Variants in ADCY2 observed in about 807,000 individuals in gnomAD.
ADCY2 encodes adenylate cyclase type 2.
In ADCY2, 31 loss-of-function variants were observed where a neutral mutation model predicts 125.2. The ratio of observed to expected loss-of-function variants is 0.25; its 90% CI spans 0.19 to 0.33. ADCY2 has a LOEUF of 0.33. Among genes scored for constraint, ADCY2 ranks in the 10% least tolerant of loss-of-function variants. The pLI, the probability that ADCY2 is intolerant of heterozygous loss-of-function variation, is 1.00. For missense variants in ADCY2, 904 were observed against 1,418.2 expected (o/e 0.64, Z 5.82); for synonymous variants, 512 against 548.4 (o/e 0.93, Z 0.93).
chr5:7,748,443 G>A (rs1742698137), intron 15 of ADCY2, among the ~76,000 whole-genome samples: 1 of 151,726 alleles, frequency 6.6e-6, no homozygotes, highest in Admixed American at 6.6e-5. Context: ...GAGGGACCAA[G>A]GACTCCAAAG....
At chr5:7,719,537 A>G (rs1273414365) in intron 12 of ADCY2, among the ~76,000 whole-genome samples, 2 of 152,144 alleles carry the variant, frequency 1.3e-5, no homozygotes, top group Non-Finnish European at 2.9e-5. Context: ...GTTTCCTGCT[A>G]TTGCCATAAA....
At chr5:7,465,420 T>C (rs1742079575) in intron 2 of ADCY2, among the ~76,000 whole-genome samples, 1 of 152,140 alleles carries the variant, frequency 6.6e-6, no homozygotes, top group African/African-American at 2.4e-5. Context: ...TAAGCCACTT[T>C]CTCCAGGCTG....
In ADCY2 at chr5:7,396,483, G is replaced by A; in HGVS notation, c.187G>A (p.Ala63Thr). Reference protein sequence around the residue: ...IVMGSCLALLAVFFALGLEVE... With the variant: ...IVMGSCLALLTVFFALGLEVE... Reference sequence around the variant, plus strand: ...CATGGGCTCCTGCCTCGCCCTGCTCGCCGTCTTCTTCGCGCTCGGGCTGGT... The same window carrying A: ...CATGGGCTCCTGCCTCGCCCTGCTCACCGTCTTCTTCGCGCTCGGGCTGGT... Residue 63 changes from alanine to threonine, a missense_variant, in exon 1 of 25, where the codon GCC (alanine) becomes ACC (threonine). By Grantham distance (58) the Ala-to-Thr change is moderately conservative. Around this residue, in one of 7 missense-constraint regions of ADCY2, gnomAD observed 113 missense variants for 108.0 expected, o/e 1.05. Coordinates refer to ENST00000338316, the MANE Select transcript of ADCY2 (RefSeq NM_020546.3). This position sits in a 1 kb window ranked among gnomAD's most constrained non-coding sequence, Gnocchi z 5.7. 6.4e-7 allele frequency: 1 copy of A among 1,567,326 alleles called. No homozygotes were observed. Among genetic ancestry groups the A allele is most frequent in the South Asian group, 1.1e-5 (1 of 87,452 alleles).
intron 3 of ADCY2, among the ~76,000 whole-genome samples, chr5:7,620,066 GA>G (rs1439771055): frequency 1.3e-5 from 2 of 152,146 alleles, no homozygotes; most frequent in African/African-American, 4.8e-5. Flanking sequence ...GCAGTTCTGA[GA>G]AGAGCAAAGA....
At chr5:7,512,092 A>C (rs1006420992) in intron 2 of ADCY2, among the ~76,000 whole-genome samples, 11 of 151,642 alleles carry the variant, frequency 7.3e-5, no homozygotes, top group African/African-American at 2.4e-4. Flanking sequence ...GTGGTGGTGC[A>C]CACCTGTAAT....
intron 15 of ADCY2, among the ~76,000 whole-genome samples, chr5:7,753,121 ACTCCTGAC>A (rs1287165327): frequency 6.6e-6 from 1 of 151,242 alleles, no homozygotes; most frequent in Non-Finnish European, 1.5e-5. Context: ...ATAGTCTCAA[ACTCCTGAC>A]CTCATGATCT....
intron 2 of ADCY2, among the ~76,000 whole-genome samples, chr5:7,434,194 T>C (rs1019369869): frequency 7.9e-5 from 12 of 152,340 alleles, no homozygotes; most frequent in African/African-American, 2.9e-4. Context: ...CTTACACGCA[T>C]GCATGGGACT....
At chr5:7,710,868 C>T (rs1235307076) in intron 10 of ADCY2, among the ~76,000 whole-genome samples, 2 of 151,996 alleles carry the variant, frequency 1.3e-5, no homozygotes, top group Non-Finnish European at 2.9e-5. Context: ...CAGGGGCTAA[C>T]GTGAAAGTAG....
chr5:7,736,833 TTAG>T (rs905951960), intron 14 of ADCY2, among the ~76,000 whole-genome samples: 1 of 152,160 alleles, frequency 6.6e-6, no homozygotes, highest in Non-Finnish European at 1.5e-5. Context: ...TTATGATTTG[TTAG>T]TAGATTAACA....
intron 7 of ADCY2, among the ~76,000 whole-genome samples, chr5:7,702,963 T>G (rs574897833): frequency 2.0e-4 from 31 of 152,390 alleles, no homozygotes; most frequent in African/African-American, 7.5e-4. Context: ...TTGATTTACA[T>G]TTCTCTGATG....
At chr5:7,490,669 A>G (rs1199041469) in intron 2 of ADCY2, among the ~76,000 whole-genome samples, 1 of 152,004 alleles carries the variant, frequency 6.6e-6, no homozygotes, top group East Asian at 1.9e-4. Flanking sequence ...GCATGCACAC[A>G]CACACATGCA....
At chr5:7,671,620 G>GA (rs922085571) in intron 4 of ADCY2, among the ~76,000 whole-genome samples, 3 of 150,914 alleles carry the variant, frequency 2.0e-5, no homozygotes, top group African/African-American at 7.3e-5. Flanking sequence ...ACTTGGTGAT[G>GA]AAAAAAAAAT....
intron 2 of ADCY2, among the ~76,000 whole-genome samples, chr5:7,436,357 A>C (rs552508929): frequency 6.6e-6 from 1 of 152,298 alleles, no homozygotes; most frequent in South Asian, 2.1e-4. Context: ...AACCTATGGA[A>C]ATGACATTGC....
At chr5:7,598,627 G>A (rs896865946) in intron 3 of ADCY2, among the ~76,000 whole-genome samples, 3 of 152,196 alleles carry the variant, frequency 2.0e-5, no homozygotes, top group East Asian at 1.9e-4. Flanking sequence ...TGGAGAATTC[G>A]AGGCAGAGGG....
In ADCY2 at chr5:7,499,040, G is replaced by A. The variant is rs577646032; in HGVS notation, c.409-21698G>A. ...GTTGTTGTTGTTGAGATGGAGTCCC[G>A]CTTTGTCTCCAGGCTGGAGTGCAGT... is the stretch of plus-strand genomic sequence containing the variant. On this transcript the variant is annotated intron_variant, in intron 2 of 24. Transcript: ENST00000338316. 3.3e-5 allele frequency among the ~76,000 whole-genome samples: 5 copies of A among 152,200 alleles called. No individual in the cohort carries two copies. In the East Asian group the frequency reaches 9.7e-4, roughly 29 times the overall value.
At chr5:7,501,654 C>CT (rs1282354680) in intron 2 of ADCY2, among the ~76,000 whole-genome samples, 2 of 97,948 alleles carry the variant, frequency 2.0e-5, no homozygotes, top group East Asian at 3.0e-4. Context: ...CCTCCCCCCC[C>CT]CCCCGCCAGT....
chr5:7,428,723 C>T (rs910680822), intron 2 of ADCY2, among the ~76,000 whole-genome samples: 2 of 152,176 alleles, frequency 1.3e-5, no homozygotes, highest in African/African-American at 4.8e-5. Flanking sequence ...TTTACCTCCC[C>T]ACCTTGAACA....
intron 10 of ADCY2, among the ~76,000 whole-genome samples, chr5:7,710,721 C>A (rs1486841905): frequency 6.6e-6 from 1 of 152,090 alleles, no homozygotes; most frequent in Non-Finnish European, 1.5e-5. Flanking sequence ...AATTGGAAGT[C>A]ATGGAGAATC....
chr5:7,778,926 TA>T (rs1743826745), intron 18 of ADCY2, among the ~76,000 whole-genome samples: 1 of 152,260 alleles, frequency 6.6e-6, no homozygotes, highest in South Asian at 2.1e-4. Flanking sequence ...GTCTTTTCTT[TA>T]AATGAAGAAT....
Sources: gnomAD v4.1 joint callset for allele counts (sites outside exome capture counted in the v4.1 genomes callset) on GRCh38, gnomAD v4.1.1 for gene constraint, gnomAD v4.1.1 regional missense constraint, Gnocchi (gnomAD v3.1) non-coding constraint, MANE v1.5 for transcripts, NCBI Gene and HGNC (gene_info 2026-07-23, HGNC 2026-07-21) for gene names.